Variants in NEBL observed in about 807,000 individuals in gnomAD.
NEBL encodes nebulette, also known as LIM and SH3 protein 2.
A neutral mutation model predicts 140.2 loss-of-function variants in NEBL; 122 were observed. The observed-to-expected ratio is 0.87, with a 90% CI of 0.75 to 1.01. The LOEUF is 1.01. Ranked by LOEUF, NEBL falls within the 50% of genes least tolerant of loss-of-function variation. NEBL has a pLI of 0.00. For synonymous variants in NEBL, 436 were observed against 398.9 expected, an observed-to-expected ratio of 1.09 and a Z score of -1.11; for missense variants, 1,365 against 1,231.3, an observed-to-expected ratio of 1.11 and a Z score of -1.62.
chr10:20,956,861 C>T (rs192572887), intron 4 of NEBL, among the ~76,000 whole-genome samples: 56 of 152,178 alleles, frequency 3.7e-4, no homozygotes, highest in African/African-American at 1.1e-3. Context: ...GCCTCATACA[C>T]GATAATTTTG....
intron 13 of NEBL, 36 bp downstream of exon 13, chr10:20,840,703 A>T (rs1207966331): frequency 2.9e-6 from 4 of 1,368,546 alleles, no homozygotes; most frequent in Non-Finnish European, 4.2e-6. Context: ...TCAGCTAAAA[A>T]CATATTCATC....
chr10:21,105,149 C>A (rs547779509), intron 2 of NEBL, among the ~76,000 whole-genome samples: 1 of 151,952 alleles, frequency 6.6e-6, no homozygotes, highest in African/African-American at 2.4e-5. Flanking sequence ...CTTTTACATA[C>A]GTGTTCATGA....
chr10:20,869,707 C>T, intron 6 of NEBL, 33 bp downstream of exon 6: 1 of 1,455,738 alleles, frequency 6.9e-7, no homozygotes, highest in Non-Finnish European at 9.7e-7. Flanking sequence ...AGTAAGAAAT[C>T]ATTTCCGTTC....
intron 4 of NEBL, among the ~76,000 whole-genome samples, chr10:20,952,904 CAAAAAAAAA>C (rs34713711): frequency 1.3e-4 from 8 of 62,332 alleles, no homozygotes; most frequent in African/African-American, 2.9e-4. Context: ...GACCCTGTCT[CAAAAAAAAA>C]AAAAAAAAAA....
In NEBL at chr10:20,919,816, A is replaced by T. The variant is rs569418326; in HGVS notation, c.357+41856T>A. On this transcript the variant is annotated intron_variant, in intron 4 of 6. Transcript: ENST00000417816. ...CAGGAAAAATAACAACTACATAAAA[A>T]TAAGTTTGACTACATGAAAATAAAA... Among the ~76,000 whole-genome samples the T allele has an allele frequency of 9.8e-5, 15 of 152,334 alleles. No homozygotes were observed. The South Asian group carries it at 3.1e-3, about 32-fold the overall frequency.
Position 21,132,102 on chromosome 10 carries a change from A to G in NEBL, c.164+40281T>C, listed in dbSNP as rs191441455. ...AATCTAGAGCATTTTCATCACCCCA[A>G]AAAGAAACTCAGTACTCATTAGCAA... On this transcript the variant is annotated intron_variant, in intron 2 of 6. Transcript: ENST00000417816. Among the ~76,000 whole-genome samples the G allele has an allele frequency of 2.0e-5, 3 of 152,260 alleles. No individual in the cohort carries two copies. In the East Asian group the frequency reaches 5.8e-4, roughly 29 times the overall value.
At chr10:21,132,081 T>C (rs1238289151) in intron 2 of NEBL, among the ~76,000 whole-genome samples, 1 of 152,206 alleles carries the variant, frequency 6.6e-6, no homozygotes, top group Non-Finnish European at 1.5e-5. Context: ...TATATAAATC[T>C]AGAGCATTTT....
At chr10:21,249,702 TAA>T (rs1446444061) in intron 2 of NEBL, among the ~76,000 whole-genome samples, 2 of 151,684 alleles carry the variant, frequency 1.3e-5, no homozygotes, top group Non-Finnish European at 2.9e-5. Context: ...CATGTATCTT[TAA>T]AAAGCTCTTT....
At chr10:21,172,134 C>G in intron 2 of NEBL, 1 of 523,446 alleles carries the variant, frequency 1.9e-6, no homozygotes. Flanking sequence ...GTCCCTAAGG[C>G]TGTAACACTG....
chr10:21,194,954 G>A (rs1021719427), intron 3 of NEBL, among the ~76,000 whole-genome samples: 9 of 152,196 alleles, frequency 5.9e-5, no homozygotes, highest in South Asian at 4.1e-4. Context: ...TTTGTATAAG[G>A]CACCTGTAGT....
intron 1 of NEBL, among the ~76,000 whole-genome samples, chr10:21,253,323 G>A (rs1229070380): frequency 6.6e-6 from 1 of 152,108 alleles, no homozygotes; most frequent in Admixed American, 6.6e-5. Context: ...GTGGAGTGTT[G>A]AGAAGAAACA....
intron 1 of NEBL, among the ~76,000 whole-genome samples, chr10:21,272,157 G>T (rs978515025): frequency 7.8e-6 from 1 of 128,834 alleles, no homozygotes; most frequent in Non-Finnish European, 1.6e-5. Flanking sequence ...AGTAGAGACG[G>T]GGTTTCACCA....
At chr10:21,134,448 T>A (rs946991463) in intron 2 of NEBL, among the ~76,000 whole-genome samples, 11 of 152,204 alleles carry the variant, frequency 7.2e-5, no homozygotes, top group Non-Finnish European at 1.3e-4. Flanking sequence ...ATTCTCTTAG[T>A]CTCATTTGTT....
chr10:21,227,736 TTC>T (rs1491351150), intron 3 of NEBL, among the ~76,000 whole-genome samples: 4 of 135,564 alleles, frequency 3.0e-5, no homozygotes, highest in African/African-American at 1.3e-4. Flanking sequence ...CTTCTTCTTC[TTC>T]TTCTTCTTCT....
At chr10:21,076,406 C>CT in intron 2 of NEBL, among the ~76,000 whole-genome samples, 1 of 131,928 alleles carries the variant, frequency 7.6e-6, no homozygotes, top group East Asian at 2.4e-4. Context: ...GATCGTGCCA[C>CT]TGCACTCCAG....
At chr10:20,892,355 A>G (rs1385219932) in intron 2 of NEBL, among the ~76,000 whole-genome samples, 2 of 152,242 alleles carry the variant, frequency 1.3e-5, no homozygotes, top group African/African-American at 4.8e-5. Flanking sequence ...AAGGGAAGGC[A>G]GCAGCAATGA....
intron 2 of NEBL, among the ~76,000 whole-genome samples, chr10:21,052,861 G>C (rs532879627): frequency 6.6e-6 from 1 of 152,274 alleles, no homozygotes; most frequent in Admixed American, 6.5e-5. Flanking sequence ...TAGTCCTACT[G>C]ATGACTCCAC....
intron 2 of NEBL, among the ~76,000 whole-genome samples, chr10:21,021,187 A>C (rs567264800): frequency 6.3e-4 from 96 of 152,192 alleles, no homozygotes; most frequent in African/African-American, 2.0e-3. Context: ...TATCTCAACT[A>C]TTTACTTATA....
intron 3 of NEBL, among the ~76,000 whole-genome samples, chr10:21,189,306 G>A (rs1036451253): frequency 6.6e-6 from 1 of 152,088 alleles, no homozygotes; most frequent in Non-Finnish European, 1.5e-5. Context: ...GTAGAGACTG[G>A]AGTGATGCAA....
Sources: allele counts gnomAD v4.1 joint callset (sites outside exome capture counted in the v4.1 genomes callset), GRCh38; gene constraint gnomAD v4.1.1; transcripts MANE v1.5; gene names NCBI Gene and HGNC (gene_info 2026-07-23, HGNC 2026-07-21).